The following LUZP2 variants were observed in gnomAD, a reference collection of about 807,000 sequenced individuals.
LUZP2 encodes leucine zipper protein 2.
Under a neutral mutation model 51.6 loss-of-function variants are expected in LUZP2, and 52 were observed. The ratio of observed to expected loss-of-function variants is 1.01; its 90% confidence interval spans 0.81 to 1.27. LUZP2 has a LOEUF of 1.27. Among genes scored for constraint, LUZP2 ranks in the 50% most tolerant of loss-of-function variants. The pLI is 0.00. For synonymous variants in LUZP2, 154 were observed against 137.3 expected, an observed-to-expected ratio of 1.12 and a Z score of -0.85; for missense variants, 436 against 395.4, an observed-to-expected ratio of 1.10 and a Z score of -0.87.
At chr11:24,565,490 A>G (rs77512936) in intron 1 of LUZP2, among the ~76,000 whole-genome samples, 2,172 of 152,284 alleles carry the variant, frequency 0.014, 41 homozygotes, top group South Asian at 0.059. Context: ...AGGAACACTC[A>G]TGTTCAATAC....
At chr11:24,780,303 C>T (rs1286377887) in intron 5 of LUZP2, among the ~76,000 whole-genome samples, 2 of 152,044 alleles carry the variant, frequency 1.3e-5, no homozygotes, top group Non-Finnish European at 2.9e-5. Flanking sequence ...GTAAAGTACC[C>T]ATGTGTTTTA....
chr11:24,572,591 T>A (rs765406341), intron 1 of LUZP2, among the ~76,000 whole-genome samples: 1 of 152,002 alleles, frequency 6.6e-6, no homozygotes, highest in Non-Finnish European at 1.5e-5. Context: ...TCACCACATA[T>A]GTAAAACTAC....
intron 5 of LUZP2, among the ~76,000 whole-genome samples, chr11:24,904,689 C>T (rs1237901725): frequency 6.6e-6 from 1 of 152,126 alleles, no homozygotes; most frequent in African/African-American, 2.4e-5. Flanking sequence ...TTTGCAAATA[C>T]GTTCTCCCAT....
chr11:24,891,130 T>C, intron 5 of LUZP2: 3 of 983,938 alleles, frequency 3.0e-6, no homozygotes, highest in South Asian at 9.4e-5. Context: ...AACAAAAGAA[T>C]ACTATTTCCC....
intron 10 of LUZP2, among the ~76,000 whole-genome samples, chr11:25,055,633 C>T (rs946188069): frequency 6.6e-6 from 1 of 152,124 alleles, no homozygotes; most frequent in Non-Finnish European, 1.5e-5. Context: ...AAAGGAGACA[C>T]ATCTCTTATC....
chr11:24,594,803 A>G (rs1436536717), intron 1 of LUZP2, among the ~76,000 whole-genome samples: 11 of 118,172 alleles, frequency 9.3e-5, no homozygotes, highest in Admixed American at 7.8e-4. Flanking sequence ...TCTGTCGCTC[A>G]GGCTGGAGTG....
At chr11:24,871,696 T>C (rs544719121) in intron 5 of LUZP2, among the ~76,000 whole-genome samples, 4 of 152,148 alleles carry the variant, frequency 2.6e-5, no homozygotes, top group African/African-American at 9.6e-5. Flanking sequence ...TTTCTATGAA[T>C]CTTTCATAGA....
At chr11:24,777,586 A>G (rs918120337) in intron 5 of LUZP2, among the ~76,000 whole-genome samples, 2 of 152,216 alleles carry the variant, frequency 1.3e-5, no homozygotes, top group Non-Finnish European at 2.9e-5. Context: ...AATAGTAAAC[A>G]TATTTGTACT....
At chr11:24,654,849 G>A (rs575685043) in intron 1 of LUZP2, among the ~76,000 whole-genome samples, 1 of 150,832 alleles carries the variant, frequency 6.6e-6, no homozygotes, top group Non-Finnish European at 1.5e-5. Context: ...GTAACCTTTT[G>A]AATGTTAATA....
At chr11:24,975,365 C>G (rs1024610991) in intron 7 of LUZP2, among the ~76,000 whole-genome samples, 1 of 151,996 alleles carries the variant, frequency 6.6e-6, no homozygotes, top group Non-Finnish European at 1.5e-5. Flanking sequence ...TCAGCAGATA[C>G]CACAATCAAC....
intron 1 of LUZP2, among the ~76,000 whole-genome samples, chr11:24,656,941 G>C (rs1855827114): frequency 6.6e-6 from 1 of 152,120 alleles, no homozygotes; most frequent in Non-Finnish European, 1.5e-5. Context: ...TATTGCATTT[G>C]TAAAGTCCCT....
intron 1 of LUZP2, among the ~76,000 whole-genome samples, chr11:24,604,810 C>G (rs1465795131): frequency 1.3e-5 from 2 of 151,814 alleles, no homozygotes; most frequent in African/African-American, 4.8e-5. Context: ...ATTCCAAGCA[C>G]TAATATTTAG....
rs7104287 is a variant in LUZP2, at chr11:24,617,581, G to A, written c.63-111588G>A. On this transcript the variant is annotated intron_variant, in intron 1 of 11. Transcript: ENST00000336930. ...CACGCCTGTAATCCTAGCACTTTGG[G>A]AAGCCAAGGTGGGCAGATTGCCTGA... 8.8e-3 allele frequency among the ~76,000 whole-genome samples: 1,334 copies of A among 152,276 alleles called. 23 individuals are homozygous for A. Among genetic ancestry groups the A allele is most frequent in the African/African-American group, 0.031 (1,285 of 41,560 alleles).
intron 1 of LUZP2, among the ~76,000 whole-genome samples, chr11:24,603,109 A>T (rs1287817473): frequency 6.6e-6 from 1 of 151,808 alleles, no homozygotes; most frequent in Admixed American, 6.6e-5. Flanking sequence ...AACAGTCTAT[A>T]ACAAGCAGTA....
intron 9 of LUZP2, among the ~76,000 whole-genome samples, chr11:25,037,883 C>T (rs369875515): frequency 6.6e-6 from 1 of 151,892 alleles, no homozygotes; most frequent in African/African-American, 2.4e-5. Context: ...CTCTAGCTGC[C>T]TTTAAGATTT....
intron 1 of LUZP2, among the ~76,000 whole-genome samples, chr11:24,524,089 A>G (rs1850723929): frequency 6.6e-6 from 1 of 151,792 alleles, no homozygotes; most frequent in African/African-American, 2.4e-5. Context: ...CCTCAAATTA[A>G]TTTTTATGGA....
At chr11:24,963,309 C>G (rs1309486430) in intron 7 of LUZP2, among the ~76,000 whole-genome samples, 1 of 152,164 alleles carries the variant, frequency 6.6e-6, no homozygotes, top group Non-Finnish European at 1.5e-5. Flanking sequence ...CAGACAGGGA[C>G]ATTTAAGTCT....
At chr11:24,631,372 T>G (rs1261028281) in intron 1 of LUZP2, among the ~76,000 whole-genome samples, 1 of 150,820 alleles carries the variant, frequency 6.6e-6, no homozygotes, top group East Asian at 2.0e-4. Flanking sequence ...CAATGCCTAG[T>G]AGGTTCAGGT....
chr11:24,976,268 C>T (rs1308530210), intron 7 of LUZP2, among the ~76,000 whole-genome samples: 2 of 151,868 alleles, frequency 1.3e-5, no homozygotes, highest in Non-Finnish European at 2.9e-5. Flanking sequence ...TCTATATCAA[C>T]TAGAAATATA....
Sources: allele counts gnomAD v4.1 joint callset (sites outside exome capture counted in the v4.1 genomes callset), GRCh38; gene constraint gnomAD v4.1.1; transcripts MANE v1.5; gene names NCBI Gene and HGNC (gene_info 2026-07-23, HGNC 2026-07-21).